Variants in HEMK2 observed in about 807,000 individuals in gnomAD.
HEMK2 encodes the protein HemK methyltransferase 2, ETF1 glutamine and histone H4 lysine.
At chr21:28,876,554 C>T in the HEMK2 span, 1 of 988,910 alleles carries the variant, frequency 1.0e-6, no homozygotes, top group Non-Finnish European at 1.5e-6. Context: ...GATCAATAAG[C>T]AATTTAATAA....
the HEMK2 span, among the ~76,000 whole-genome samples, chr21:28,657,353 T>C: frequency 1.3e-5 from 2 of 152,086 alleles, no homozygotes; most frequent in African/African-American, 2.4e-5. Context: ...GAAAATTTAC[T>C]GTTTATCCAA....
At chr21:28,721,835 T>C in the HEMK2 span, among the ~76,000 whole-genome samples, 1 of 151,780 alleles carries the variant, frequency 6.6e-6, no homozygotes, top group South Asian at 2.1e-4. Context: ...TGAAGTGATT[T>C]GCCCCAGGTC....
chr21:28,787,545 G>C, the HEMK2 span, among the ~76,000 whole-genome samples: 2 of 152,100 alleles, frequency 1.3e-5, no homozygotes, highest in East Asian at 3.8e-4. Flanking sequence ...CAAAAAGTGG[G>C]CTAAGGACAT....
chr21:28,778,645 G>A, the HEMK2 span, among the ~76,000 whole-genome samples: 2,488 of 152,254 alleles, frequency 0.016, 71 homozygotes, highest in African/African-American at 0.055. Context: ...GTATCTCACT[G>A]TAGTTTCTAG....
At chr21:28,643,908 T>C in the HEMK2 span, among the ~76,000 whole-genome samples, 1 of 152,218 alleles carries the variant, frequency 6.6e-6, no homozygotes, top group Non-Finnish European at 1.5e-5. Flanking sequence ...GATAGCAGCA[T>C]GTTCTAAGGC....
the HEMK2 span, among the ~76,000 whole-genome samples, chr21:28,673,180 G>A: frequency 6.6e-6 from 1 of 151,010 alleles, no homozygotes; most frequent in Non-Finnish European, 1.5e-5. Flanking sequence ...AGAGAGGGAG[G>A]GGAAGGGAGA....
At chr21:28,773,998 C>A in the HEMK2 span, among the ~76,000 whole-genome samples, 8 of 152,242 alleles carry the variant, frequency 5.3e-5, no homozygotes, top group African/African-American at 1.4e-4. Flanking sequence ...TTTTCCTTAT[C>A]ATTTGCAATT....
the HEMK2 span, among the ~76,000 whole-genome samples, chr21:28,604,720 G>C: frequency 6.6e-6 from 1 of 152,192 alleles, no homozygotes. Context: ...GCAAACCTCA[G>C]TGTCTCTATT....
the HEMK2 span, among the ~76,000 whole-genome samples, chr21:28,815,624 A>G: frequency 1.3e-5 from 2 of 152,070 alleles, no homozygotes. Context: ...TGCCTCCAAC[A>G]CATTCACTGA....
At chr21:28,598,093 G>A in the HEMK2 span, among the ~76,000 whole-genome samples, 1 of 152,134 alleles carries the variant, frequency 6.6e-6, no homozygotes, top group Non-Finnish European at 1.5e-5. Flanking sequence ...CTAACTCACA[G>A]GTGTGCACAA....
At chr21:28,820,106 G>A in the HEMK2 span, among the ~76,000 whole-genome samples, 188 of 152,284 alleles carry the variant, frequency 1.2e-3, 1 homozygote, top group African/African-American at 4.4e-3. Context: ...AAGTGAAGGA[G>A]TTCAGGGAAC....
At chr21:28,790,287 C>T in the HEMK2 span, among the ~76,000 whole-genome samples, 1 of 152,098 alleles carries the variant, frequency 6.6e-6, no homozygotes, top group African/African-American at 2.4e-5. Flanking sequence ...ACCCACTCTC[C>T]CAGTTGTGTT....
At chr21:28,789,464 G>T in the HEMK2 span, among the ~76,000 whole-genome samples, 1 of 151,850 alleles carries the variant, frequency 6.6e-6, no homozygotes, top group East Asian at 1.9e-4. Context: ...GGGATATGAG[G>T]GAAAGTTATG....
the HEMK2 span, among the ~76,000 whole-genome samples, chr21:28,703,362 G>A: frequency 2.6e-5 from 4 of 151,858 alleles, no homozygotes; most frequent in African/African-American, 4.8e-5. Context: ...CTGTAGGATC[G>A]CTGGCTGGAC....
the HEMK2 span, among the ~76,000 whole-genome samples, chr21:28,729,598 C>T: frequency 6.4e-5 from 9 of 140,226 alleles, no homozygotes; most frequent in Non-Finnish European, 9.0e-5. Context: ...TTGAGCCACA[C>T]GTACAATACA....
At chr21:28,660,178 T>A in the HEMK2 span, among the ~76,000 whole-genome samples, 1 of 151,910 alleles carries the variant, frequency 6.6e-6, no homozygotes, top group Admixed American at 6.6e-5. Flanking sequence ...AACTCACAAA[T>A]CAATTCTCAT....
chr21:28,625,237 TAGG>T, the HEMK2 span, among the ~76,000 whole-genome samples: 1 of 152,184 alleles, frequency 6.6e-6, no homozygotes, highest in Non-Finnish European at 1.5e-5. Context: ...AAAGTTATTT[TAGG>T]AGAAGGATTA....
chr21:28,756,544 T>C, the HEMK2 span, among the ~76,000 whole-genome samples: 4 of 152,178 alleles, frequency 2.6e-5, no homozygotes, highest in African/African-American at 9.7e-5. Flanking sequence ...ACATTAAATA[T>C]GTATCATTTC....
the HEMK2 span, among the ~76,000 whole-genome samples, chr21:28,835,871 CA>C: frequency 6.6e-6 from 1 of 151,422 alleles, no homozygotes; most frequent in Non-Finnish European, 1.5e-5. Flanking sequence ...TAGAATTGAA[CA>C]AGTAGAAGAA....
Sources: gnomAD v4.1 joint callset for allele counts (sites outside exome capture counted in the v4.1 genomes callset) on GRCh38, gnomAD v4.1.1 for gene constraint, MANE v1.5 for transcripts, NCBI Gene and HGNC (gene_info 2026-07-23, HGNC 2026-07-21) for gene names.